ZNF385B: variants seen among roughly 807,000 people sequenced by gnomAD.
The protein encoded by ZNF385B is zinc finger protein 533.
In ZNF385B, 23 loss-of-function variants were observed where a neutral mutation model predicts 39.2. The ratio of observed to expected loss-of-function variants is 0.59; its 90% confidence interval spans 0.42 to 0.83. The LOEUF is 0.83. Ranked by LOEUF, ZNF385B falls within the 40% of genes least tolerant of loss-of-function variation. ZNF385B has a pLI of 0.00. For missense variants in ZNF385B, 552 were observed against 598.9 expected (o/e 0.92, Z 0.82); for synonymous variants, 205 against 222.6 (o/e 0.92, Z 0.70).
intron 4 of ZNF385B, among the ~76,000 whole-genome samples, chr2:179,521,968 T>G (rs1049321097): frequency 3.3e-5 from 5 of 152,182 alleles, no homozygotes; most frequent in South Asian, 4.1e-4. Context: ...AATCTCTTCT[T>G]CTGCTGTTTA....
chr2:179,784,457 C>A (rs77610986), intron 1 of ZNF385B, among the ~76,000 whole-genome samples: 516 of 151,750 alleles, frequency 3.4e-3, no homozygotes, highest in South Asian at 7.3e-3. Flanking sequence ...CATGTACCCT[C>A]GAACCCAAAA....
At chr2:179,688,109 C>G (rs1211099688) in intron 3 of ZNF385B, among the ~76,000 whole-genome samples, 1 of 151,986 alleles carries the variant, frequency 6.6e-6, no homozygotes, top group Non-Finnish European at 1.5e-5. Context: ...GGTTTTGTTG[C>G]CTGGCAAGTT....
chr2:179,848,462 T>C lies in ZNF385B; in HGVS notation c.-155+12639A>G, dbSNP rs563351106. Among the ~76,000 whole-genome samples, 5 of 152,354 alleles carry C rather than the reference T, an allele frequency of 3.3e-5. No homozygotes were observed. In the South Asian group the frequency reaches 1.0e-3, roughly 32 times the overall value. ...AATAAGAATGCTACTACTCGGTATG[T>C]GCAGTTTGTTCTTTACAACCTGAAC... On this transcript the variant is annotated intron_variant, in intron 1 of 9. Coordinates refer to ENST00000410066, the MANE Select transcript of ZNF385B (RefSeq NM_152520.6).
intron 1 of ZNF385B, among the ~76,000 whole-genome samples, chr2:179,771,788 G>A (rs976927593): frequency 6.6e-6 from 1 of 152,148 alleles, no homozygotes; most frequent in African/African-American, 2.4e-5. Flanking sequence ...GTTGAAATAA[G>A]TAAGTGATTT....
chr2:179,846,204 C>T (rs1708792504), intron 1 of ZNF385B, among the ~76,000 whole-genome samples: 1 of 152,178 alleles, frequency 6.6e-6, no homozygotes, highest in Non-Finnish European at 1.5e-5. Context: ...TCTGTAAAGG[C>T]TATTTTCAGA....
intron 3 of ZNF385B, among the ~76,000 whole-genome samples, chr2:179,643,973 C>G (rs1692492758): frequency 6.6e-6 from 1 of 152,196 alleles, no homozygotes; most frequent in Non-Finnish European, 1.5e-5. Context: ...CTGCGCACCA[C>G]TCTAAATCTG....
chr2:179,590,347 TATA>T (rs1687449426), intron 3 of ZNF385B, among the ~76,000 whole-genome samples: 1 of 152,224 alleles, frequency 6.6e-6, no homozygotes, highest in Admixed American at 6.5e-5. Context: ...CGAGACAATG[TATA>T]CATGGGGTTT....
intron 3 of ZNF385B, among the ~76,000 whole-genome samples, chr2:179,727,005 T>C (rs960836616): frequency 6.6e-6 from 1 of 151,988 alleles, no homozygotes; most frequent in Non-Finnish European, 1.5e-5. Flanking sequence ...CTTAAATGAG[T>C]ATATCACATT....
intron 3 of ZNF385B, among the ~76,000 whole-genome samples, chr2:179,733,567 G>A (rs1388903766): frequency 6.6e-6 from 1 of 152,116 alleles, no homozygotes; most frequent in Non-Finnish European, 1.5e-5. Context: ...CGGATCACGA[G>A]GTCAGGAGAT....
Position 179,731,907 on chromosome 2 carries a change from C to T in ZNF385B, c.298+37596G>A, listed in dbSNP as rs530317881. ...GCAACCAGCTTGCCTGCTTTGCCAA[C>T]TCTTATTTCTTGACAGTCCCACAAA... On this transcript the variant is annotated intron_variant, in intron 3 of 9. Coordinates refer to ENST00000410066, the MANE Select transcript of ZNF385B (RefSeq NM_152520.6). Among the ~76,000 whole-genome samples, 29 of 152,362 alleles carry T rather than the reference C, an allele frequency of 1.9e-4. No homozygotes were observed. The South Asian group carries it at 5.8e-3, about 30-fold the overall frequency.
At chr2:179,450,431 T>C (rs2049992456) in intron 6 of ZNF385B, among the ~76,000 whole-genome samples, 1 of 152,108 alleles carries the variant, frequency 6.6e-6, no homozygotes, top group African/African-American at 2.4e-5. Context: ...CATCAAAAAG[T>C]GGGCGAAGGA....
intron 5 of ZNF385B, among the ~76,000 whole-genome samples, chr2:179,510,076 T>G (rs1447322694): frequency 1.3e-5 from 2 of 152,192 alleles, no homozygotes; most frequent in African/African-American, 2.4e-5. Flanking sequence ...ACATACACTT[T>G]ATATGAAATT....
chr2:179,794,409 C>CTTAACGA (rs150851440), intron 1 of ZNF385B, among the ~76,000 whole-genome samples: 1 of 152,076 alleles, frequency 6.6e-6, no homozygotes, highest in Admixed American at 6.6e-5. Context: ...TATTCTAAAA[C>CTTAACGA]TAGAAATTCT....
At chr2:179,829,996 C>T (rs371754688) in intron 1 of ZNF385B, among the ~76,000 whole-genome samples, 3 of 152,020 alleles carry the variant, frequency 2.0e-5, no homozygotes, top group East Asian at 3.9e-4. Flanking sequence ...AACTTGTATC[C>T]AAAATATAAA....
intron 3 of ZNF385B, among the ~76,000 whole-genome samples, chr2:179,729,474 CA>C (rs1701242999): frequency 6.6e-6 from 1 of 152,098 alleles, no homozygotes; most frequent in Non-Finnish European, 1.5e-5. Flanking sequence ...GAGTGAAAAC[CA>C]AAAGGATAAA....
At chr2:179,635,438 T>C (rs1691670040) in intron 3 of ZNF385B, among the ~76,000 whole-genome samples, 2 of 151,738 alleles carry the variant, frequency 1.3e-5, no homozygotes, top group African/African-American at 2.4e-5. Context: ...ATGTGAATGA[T>C]GAATTGATGG....
chr2:179,595,649 A>C (rs542228896), intron 3 of ZNF385B, among the ~76,000 whole-genome samples: 1 of 150,654 alleles, frequency 6.6e-6, no homozygotes, highest in East Asian at 2.0e-4. Context: ...TTCCAGAGAC[A>C]GGGTCTCACT....
At chr2:179,698,859 C>A (rs1698961275) in intron 3 of ZNF385B, among the ~76,000 whole-genome samples, 2 of 152,112 alleles carry the variant, frequency 1.3e-5, no homozygotes, top group East Asian at 3.9e-4. Context: ...ACTACAAGTT[C>A]ATGAAGATAA....
At chr2:179,650,948 TATC>T (rs375826361) in intron 3 of ZNF385B, among the ~76,000 whole-genome samples, 19 of 152,242 alleles carry the variant, frequency 1.2e-4, no homozygotes, top group African/African-American at 4.6e-4. Context: ...TAAGGTAAAA[TATC>T]ATAATAGTTA....
Sources: gnomAD v4.1 joint callset for allele counts (sites outside exome capture counted in the v4.1 genomes callset) on GRCh38, gnomAD v4.1.1 for gene constraint, MANE v1.5 for transcripts, NCBI Gene and HGNC (gene_info 2026-07-23, HGNC 2026-07-21) for gene names.